The following MYLK variants were observed in gnomAD, a reference collection of about 807,000 sequenced individuals.
MYLK encodes myosin light chain kinase, also known as myosin light chain kinase, smooth muscle.
A neutral mutation model predicts 203.4 loss-of-function variants in MYLK; 106 were observed. The ratio of observed to expected loss-of-function variants is 0.52; its 90% confidence interval spans 0.45 to 0.61. MYLK has a LOEUF of 0.61. Ranked by LOEUF, MYLK falls within the 20% of genes least tolerant of loss-of-function variation. MYLK has a pLI of 0.00. For synonymous variants in MYLK, 867 were observed against 959.5 expected (o/e 0.90, Z 1.78); for missense variants, 2,072 against 2,442.3 (o/e 0.85, Z 3.20).
intron 2 of MYLK, among the ~76,000 whole-genome samples, chr3:123,858,368 C>T (rs953981503): frequency 1.3e-5 from 2 of 152,140 alleles, no homozygotes; most frequent in African/African-American, 4.8e-5. Context: ...CCCCAGACAG[C>T]CTGAGATAGC....
chr3:123,787,451 G>C (rs1228459224), intron 4 of MYLK, among the ~76,000 whole-genome samples: 3 of 152,112 alleles, frequency 2.0e-5, no homozygotes, highest in African/African-American at 7.2e-5. Context: ...CAAGACACCG[G>C]GAGTCTTAGA....
intron 15 of MYLK, 44 bp from the exon 16 acceptor site, chr3:123,708,047 G>T (rs530254378): frequency 1.2e-6 from 2 of 1,611,798 alleles, no homozygotes; most frequent in East Asian, 4.5e-5. Context: ...ATGTCCCTCA[G>T]CAGGCAGTGT....
chr3:123,663,319 T>A (rs1259538443), intron 23 of MYLK, among the ~76,000 whole-genome samples: 1 of 152,062 alleles, frequency 6.6e-6, no homozygotes, highest in Non-Finnish European at 1.5e-5. Flanking sequence ...AATCCTGGTA[T>A]GAAGGTAAGG....
chr3:123,807,504 C>T lies in MYLK; in HGVS notation c.-3-13660G>A, dbSNP rs372988034. Among the ~76,000 whole-genome samples, 5 of 152,072 alleles carry T rather than the reference C, an allele frequency of 3.3e-5. No individual in the cohort carries two copies. In the South Asian group the frequency reaches 8.3e-4, roughly 25 times the overall value. On this transcript the variant is annotated intron_variant, in intron 3 of 33. Transcript: ENST00000360304. Reference sequence around the variant, plus strand: ...ACACAACAGGAAATTTCCAGTGTAACGAATGTATTGATATCCCCTTAGATT... The same window carrying T: ...ACACAACAGGAAATTTCCAGTGTAATGAATGTATTGATATCCCCTTAGATT...
At position 123,739,976 on chromosome 3, in the gene MYLK, C is replaced by A. The variant is rs140148380; in HGVS notation, c.399G>T (p.Gln133His). ...VEGSFAKQLG[Q>H]PVVSKTLGDR... ...ACCCTAAGGTTTTGGAAACAACAGG[C>A]TGACCAAGCTGCTTCGCAAAACTTC... The change falls in exon 6 of 34, where the codon CAG becomes CAT. Residue 133 changes from glutamine to histidine, a missense_variant. Coordinates refer to ENST00000360304, the MANE Select transcript of MYLK (RefSeq NM_053025.4). 2.0e-3 allele frequency: 3,165 copies of A among 1,613,998 alleles called. 10 individuals are homozygous for A. Among genetic ancestry groups the A allele is most frequent in the South Asian group, 3.4e-3 (306 of 91,058 alleles).
intron 4 of MYLK, among the ~76,000 whole-genome samples, chr3:123,779,104 G>A (rs1239093416): frequency 2.6e-5 from 4 of 152,148 alleles, no homozygotes; most frequent in South Asian, 2.1e-4. Context: ...ACTGACTGGC[G>A]CCAGTCTGCT....
chr3:123,695,169 A>T (rs2060865055), intron 18 of MYLK, among the ~76,000 whole-genome samples: 1 of 152,178 alleles, frequency 6.6e-6, no homozygotes, highest in Non-Finnish European at 1.5e-5. Flanking sequence ...CAGTCAGCCT[A>T]CCCAGCCCAC....
chr3:123,838,198 G>C (rs1051620624), intron 2 of MYLK, among the ~76,000 whole-genome samples: 2 of 152,038 alleles, frequency 1.3e-5, no homozygotes, highest in Admixed American at 6.6e-5. Flanking sequence ...GGGAATACAT[G>C]AAAGCATACT....
In MYLK at chr3:123,620,250, C is replaced by T. The variant is rs1291824644; in HGVS notation, c.5325G>A (p.Gly1775=). 5 of 1,614,082 alleles carry T rather than the reference C, an allele frequency of 3.1e-6. No homozygotes were observed. Among genetic ancestry groups the T allele is most frequent in the South Asian group, 1.1e-5 (1 of 91,092 alleles). ...CTGCATTGAGCGGGCTGGTTGGTGA[C>T]CCTGTTGAGGATTTCCTGCCACTGA... ...SGLSGRKSST[G]SPTSPLNAEK... The change falls in exon 32 of 34, where the codon GGG becomes GGA. Residue 1775 remains glycine (G), a synonymous_variant. Coordinates refer to ENST00000360304, the MANE Select transcript of MYLK (RefSeq NM_053025.4).
At chr3:123,856,040 GTCTAT>G (rs2031340074) in intron 2 of MYLK, among the ~76,000 whole-genome samples, 1 of 152,214 alleles carries the variant, frequency 6.6e-6, no homozygotes, top group Non-Finnish European at 1.5e-5. Context: ...AAAACTGCAA[GTCTAT>G]TCTTTCCAGA....
chr3:123,674,127 C>T (rs2060001919), intron 20 of MYLK, among the ~76,000 whole-genome samples: 1 of 152,116 alleles, frequency 6.6e-6, no homozygotes, highest in Non-Finnish European at 1.5e-5. Context: ...CACGTACTGC[C>T]AGCCAAACGT....
At chr3:123,783,546 C>T (rs1353073832) in intron 4 of MYLK, among the ~76,000 whole-genome samples, 3 of 152,150 alleles carry the variant, frequency 2.0e-5, no homozygotes, top group Non-Finnish European at 4.4e-5. Flanking sequence ...AGAATCTGGA[C>T]ATTGAACTCA....
chr3:123,708,753 G>C lies in MYLK; in HGVS notation c.2085C>G (p.Cys695Trp), dbSNP rs780052122. ...CCTCTCCAGCGCTGTTCCAGGCCTCGCAGGTGTACGTGCCCGTGTCCTCCG... is the reference window on the plus strand; with the variant it reads ...CCTCTCCAGCGCTGTTCCAGGCCTCCCAGGTGTACGTGCCCGTGTCCTCCG... ...VFPEDTGTYT[C>W]EAWNSAGEVR... Residue 695 changes from cysteine (C) to tryptophan (W), a missense_variant, in exon 15 of 34, where the codon TGC becomes TGG. This residue lies in a region of MYLK where 865 missense variants were observed against 1,016.0 expected (regional missense o/e 0.85). Coordinates refer to ENST00000360304, the MANE Select transcript of MYLK (RefSeq NM_053025.4). 6.2e-7 allele frequency: 1 copy of C among 1,614,178 alleles called. No individual in the cohort carries two copies. Among genetic ancestry groups the C allele is most frequent in the Non-Finnish European group, 8.5e-7 (1 of 1,180,028 alleles).
chr3:123,667,971 G>T (rs1478539352), intron 20 of MYLK, among the ~76,000 whole-genome samples: 1 of 152,086 alleles, frequency 6.6e-6, no homozygotes, highest in Non-Finnish European at 1.5e-5. Flanking sequence ...AAAGTTTGTT[G>T]GATGGATGAA....
At chr3:123,691,986 T>C (rs1346270029) in intron 19 of MYLK, among the ~76,000 whole-genome samples, 2 of 152,132 alleles carry the variant, frequency 1.3e-5, no homozygotes, top group Admixed American at 6.5e-5. Flanking sequence ...AATGAGGGTG[T>C]TCATCTAAAT....
At chr3:123,684,616 G>A (rs181739981) in intron 19 of MYLK, among the ~76,000 whole-genome samples, 1 of 151,026 alleles carries the variant, frequency 6.6e-6, no homozygotes, top group Admixed American at 6.6e-5. Context: ...ACATGATCTC[G>A]GCTCACTGCA....
At chr3:123,716,974 T>G (rs2061918555) in intron 13 of MYLK, among the ~76,000 whole-genome samples, 1 of 152,250 alleles carries the variant, frequency 6.6e-6, no homozygotes, top group Admixed American at 6.5e-5. Flanking sequence ...TTATAAATTT[T>G]AACATGTAAT....
At chr3:123,842,281 G>C (rs2066609058) in intron 2 of MYLK, among the ~76,000 whole-genome samples, 1 of 152,014 alleles carries the variant, frequency 6.6e-6, no homozygotes, top group Non-Finnish European at 1.5e-5. Context: ...TAATCAGAAA[G>C]AGAATCACTA....
intron 12 of MYLK, among the ~76,000 whole-genome samples, chr3:123,724,406 A>G (rs937738192): frequency 6.6e-6 from 1 of 152,132 alleles, no homozygotes; most frequent in Non-Finnish European, 1.5e-5. Context: ...TACTTAGTCT[A>G]GACTCCGTTA....
Sources: gnomAD v4.1 joint callset for allele counts (sites outside exome capture counted in the v4.1 genomes callset) on GRCh38, gnomAD v4.1.1 for gene constraint, gnomAD v4.1.1 regional missense constraint, MANE v1.5 for transcripts, NCBI Gene and HGNC (gene_info 2026-07-23, HGNC 2026-07-21) for gene names.